Variants in NRXN3 observed in about 807,000 individuals in gnomAD.
The protein encoded by NRXN3 is neurexin 3, also known as neurexin III.
NRXN3 carries 32 observed loss-of-function variants against 137.6 expected under a neutral mutation model. The ratio of observed to expected loss-of-function variants is 0.23; its 90% CI spans 0.18 to 0.31. The LOEUF is 0.31. Ranked by LOEUF, NRXN3 falls within the 10% of genes least tolerant of loss-of-function variation. The pLI is 1.00. For missense variants in NRXN3, 1,574 were observed against 2,062.5 expected, an observed-to-expected ratio of 0.76 and a Z score of 4.59; for synonymous variants, 798 against 784.5, an observed-to-expected ratio of 1.02 and a Z score of -0.29.
At chr14:78,675,769 C>G (rs903680048) in intron 6 of NRXN3, among the ~76,000 whole-genome samples, 4 of 152,132 alleles carry the variant, frequency 2.6e-5, no homozygotes, top group African/African-American at 7.2e-5. Context: ...TTTTATTGCT[C>G]TTTACCTTCT....
At chr14:78,533,099 CTT>C (rs71452898) in intron 4 of NRXN3, among the ~76,000 whole-genome samples, 8 of 120,046 alleles carry the variant, frequency 6.7e-5, no homozygotes, top group African/African-American at 1.6e-4. Context: ...TCCCTCCAGC[CTT>C]TTTTTTTTTT....
intron 4 of NRXN3, among the ~76,000 whole-genome samples, chr14:78,582,263 T>C (rs2097008040): frequency 6.6e-6 from 1 of 152,216 alleles, no homozygotes; most frequent in South Asian, 2.1e-4. Context: ...TCTGCAATTT[T>C]ATGGTGTGTT....
At chr14:78,672,775 TC>T (rs1393172496) in intron 6 of NRXN3, among the ~76,000 whole-genome samples, 1 of 152,264 alleles carries the variant, frequency 6.6e-6, no homozygotes, top group Admixed American at 6.5e-5. Context: ...CTTCTTCAGT[TC>T]AGTATCTCAT....
At chr14:79,745,035 A>G (rs6574520) in intron 19 of NRXN3, among the ~76,000 whole-genome samples, 2 of 149,816 alleles carry the variant, frequency 1.3e-5, no homozygotes, top group Non-Finnish European at 3.0e-5. Context: ...AAAAAAAAAA[A>G]GCAGGTAGAA....
At chr14:79,572,833 T>C (rs767441352) in intron 16 of NRXN3, 1 of 152,142 alleles carries the variant, frequency 6.6e-6, no homozygotes, top group Non-Finnish European at 1.5e-5. Flanking sequence ...TGGAGTGTGG[T>C]TTCTGTTAAG....
In NRXN3 at chr14:79,862,136, C is replaced by T. The variant is rs1366747324; in HGVS notation, c.*172C>T. 9 of 597,546 alleles carry T rather than the reference C, an allele frequency of 1.5e-5. No individual in the cohort carries two copies. The highest frequency in any genetic ancestry group is 5.7e-5 in the East Asian group (2 of 34,886). The allele number at this position is 597,546 out of a possible 1,614,324, so 37.0% of individuals were successfully genotyped here. A position where few individuals can be genotyped will look rare whatever the true frequency, so the allele number is the denominator to read the frequency against. ...TTTTAAAGGACACACACACACACAG[C>T]GATGCATCTCTCTCTAAAGCTCAGC... is the stretch of plus-strand genomic sequence containing the variant. On this transcript the variant is annotated 3_prime_UTR_variant, in exon 21 of 21. Coordinates refer to ENST00000335750, the MANE Select transcript of NRXN3 (RefSeq NM_001330195.2).
At chr14:79,740,711 TTTATATATATATATATATATATATATA>T (rs2098958807) in intron 19 of NRXN3, among the ~76,000 whole-genome samples, 1 of 14,916 alleles carries the variant, frequency 6.7e-5, no homozygotes, top group African/African-American at 5.5e-4. Context: ...CATTTAGTTT[TTTATATATATATATATATATATATATA>T]TATATATATA....
At chr14:78,556,143 C>T (rs1158263507) in intron 4 of NRXN3, among the ~76,000 whole-genome samples, 4 of 152,174 alleles carry the variant, frequency 2.6e-5, no homozygotes, top group African/African-American at 9.7e-5. Flanking sequence ...CAAGGCAAAT[C>T]CAAAGAAAAT....
intron 15 of NRXN3, among the ~76,000 whole-genome samples, chr14:79,174,434 A>C (rs990914832): frequency 3.3e-5 from 5 of 151,566 alleles, no homozygotes; most frequent in Non-Finnish European, 7.4e-5. Flanking sequence ...ATGTAGAAAA[A>C]TTTTAAATTG....
chr14:78,694,847 G>GT (rs1192749404), intron 6 of NRXN3, among the ~76,000 whole-genome samples: 1 of 152,008 alleles, frequency 6.6e-6, no homozygotes, highest in Non-Finnish European at 1.5e-5. Context: ...TTGTTCTGGT[G>GT]TTTTTTATTG....
chr14:78,186,359 C>G (rs942725560), intron 1 of NRXN3, among the ~76,000 whole-genome samples: 4 of 152,224 alleles, frequency 2.6e-5, no homozygotes, highest in Non-Finnish European at 5.9e-5. Flanking sequence ...CCAGGCAGAG[C>G]CTGAGGTGCA....
intron 15 of NRXN3, among the ~76,000 whole-genome samples, chr14:79,121,262 G>A (rs1446117154): frequency 6.6e-6 from 1 of 152,128 alleles, no homozygotes. Context: ...GAATCCTTCA[G>A]CCACATTGAT....
chr14:79,024,998 G>A (rs1006946839), intron 15 of NRXN3, among the ~76,000 whole-genome samples: 1 of 152,070 alleles, frequency 6.6e-6, no homozygotes, highest in African/African-American at 2.4e-5. Context: ...TGAGAAGCTG[G>A]GATGGCCCTG....
At chr14:79,625,554 A>G (rs928775146) in intron 16 of NRXN3, among the ~76,000 whole-genome samples, 3 of 152,162 alleles carry the variant, frequency 2.0e-5, no homozygotes, top group African/African-American at 7.2e-5. Flanking sequence ...GGCTGCACCT[A>G]TTTATATTCC....
At chr14:79,264,055 T>C (rs1204753935) in intron 15 of NRXN3, among the ~76,000 whole-genome samples, 1 of 152,204 alleles carries the variant, frequency 6.6e-6, no homozygotes, top group Non-Finnish European at 1.5e-5. Context: ...ACAGAATGTG[T>C]AGCTTAAACA....
At chr14:79,267,233 C>T (rs1362206654) in intron 15 of NRXN3, among the ~76,000 whole-genome samples, 1 of 152,068 alleles carries the variant, frequency 6.6e-6, no homozygotes, top group Non-Finnish European at 1.5e-5. Context: ...TTTCTAAAAG[C>T]ATTGCTTTAA....
chr14:78,715,129 C>G lies in NRXN3; in HGVS notation c.2034C>G (p.Thr678=), dbSNP rs1430990427. ...CCGGCACCGGATACTGGGGAAGAAC[C>G]TGCGAAAGGGGTGAGTCGGCCTAGA... The part of the protein sequence containing the change: ...DCTGTGYWGR[T]CEREASILSY... The change falls in exon 8 of 21, where the codon ACC becomes ACG. Residue 678 remains threonine (T), a synonymous_variant. Coordinates refer to ENST00000335750, the MANE Select transcript of NRXN3 (RefSeq NM_001330195.2). 2 of 1,607,594 alleles carry G rather than the reference C, an allele frequency of 1.2e-6. No individual in the cohort carries two copies. The highest frequency in any genetic ancestry group is 2.2e-5 in the East Asian group (1 of 44,768).
chr14:78,840,978 G>A (rs534533575), intron 10 of NRXN3, among the ~76,000 whole-genome samples: 1 of 152,192 alleles, frequency 6.6e-6, no homozygotes, highest in South Asian at 2.1e-4. Flanking sequence ...TATGAGGTGG[G>A]TTCTATCATT....
chr14:79,587,803 T>C (rs1441614978), intron 16 of NRXN3, among the ~76,000 whole-genome samples: 1 of 152,218 alleles, frequency 6.6e-6, no homozygotes, highest in African/African-American at 2.4e-5. Context: ...CATAGTGGGA[T>C]CTAGAATTTG....
Sources: allele counts gnomAD v4.1 joint callset (sites outside exome capture counted in the v4.1 genomes callset), GRCh38; gene constraint gnomAD v4.1.1; transcripts MANE v1.5; gene names NCBI Gene and HGNC (gene_info 2026-07-23, HGNC 2026-07-21).